Variants in CFAP46 observed in about 807,000 individuals in gnomAD.
CFAP46 encodes cilia and flagella associated protein 46, also known as cilia- and flagella-associated protein 46.
Under a neutral mutation model 325.7 loss-of-function variants are expected in CFAP46, and 245 were observed. The observed-to-expected ratio is 0.75, with a 90% CI of 0.68 to 0.84. The LOEUF is 0.84. Among genes scored for constraint, CFAP46 ranks in the 40% least tolerant of loss-of-function variants. The pLI, the probability that CFAP46 is intolerant of heterozygous loss-of-function variation, is 0.00. For synonymous variants in CFAP46, 1,523 were observed against 1,495.9 expected (o/e 1.02, Z -0.42); for missense variants, 3,346 against 3,543.0 (o/e 0.94, Z 1.41).
At chr10:132,917,207 C>A (rs1849653784) in intron 16 of CFAP46, among the ~76,000 whole-genome samples, 1 of 152,262 alleles carries the variant, frequency 6.6e-6, no homozygotes, top group South Asian at 2.1e-4. Context: ...ACCTGGGAGC[C>A]ACTCAGCAGA....
Position 132,868,156 on chromosome 10 carries a change from G to A in CFAP46, c.4611-649C>T, listed in dbSNP as rs1396544655. ...CACGCCCCTCTGCCCAGGCCTCCCC[G>A]GCCACGCGCGTTCCAAGTCGAGGTG... On this transcript the variant is annotated intron_variant, in intron 33 of 57. Coordinates refer to ENST00000368586, the MANE Select transcript of CFAP46 (RefSeq NM_001200049.3). Among the ~76,000 whole-genome samples, 3 of 152,112 alleles carry A rather than the reference G, an allele frequency of 2.0e-5. No individual in the cohort carries two copies. In the South Asian group the frequency reaches 6.2e-4, roughly 31 times the overall value.
At chr10:132,821,990 CGCTTGTGTGTGCTGTGTGT>C (rs1847853224) in intron 50 of CFAP46, among the ~76,000 whole-genome samples, 2 of 96,376 alleles carry the variant, frequency 2.1e-5, no homozygotes, top group South Asian at 3.6e-4. Context: ...GCTGTGTGTG[CGCTTGTGTGTGCTGTGTGT>C]GCTGATGTGT....
chr10:132,867,323 CA>C, intron 34 of CFAP46, 51 bp downstream of exon 34: 1 of 1,527,810 alleles, frequency 6.5e-7, no homozygotes, highest in Non-Finnish European at 8.8e-7. Context: ...GGCCACGAGG[CA>C]CCGGCGCCCG....
chr10:132,873,707 A>AG (rs757097034), intron 31 of CFAP46, among the ~76,000 whole-genome samples: 14 of 152,246 alleles, frequency 9.2e-5, no homozygotes, highest in Non-Finnish European at 1.6e-4. Flanking sequence ...AACCAGGCAG[A>AG]GGGGCCGTGC....
intron 27 of CFAP46, among the ~76,000 whole-genome samples, chr10:132,882,723 T>C (rs1321093159): frequency 6.6e-6 from 1 of 151,704 alleles, no homozygotes; most frequent in East Asian, 1.9e-4. Flanking sequence ...TCCTCTGTCA[T>C]GAAGAGGTGG....
chr10:132,915,787 A>G (rs117126254), intron 17 of CFAP46, among the ~76,000 whole-genome samples: 6,534 of 152,318 alleles, frequency 0.043, 204 homozygotes, highest in Middle Eastern at 0.065. Flanking sequence ...TGGAAGGGGG[A>G]CATCGAACAT....
intron 22 of CFAP46, among the ~76,000 whole-genome samples, chr10:132,905,195 TATCAGTG>T (rs1849439759): frequency 6.6e-6 from 1 of 152,238 alleles, no homozygotes; most frequent in Non-Finnish European, 1.5e-5. Flanking sequence ...AAAAGTGGAA[TATCAGTG>T]AACACCATGT....
intron 50 of CFAP46, among the ~76,000 whole-genome samples, chr10:132,829,488 C>A (rs544654513): frequency 2.0e-5 from 3 of 152,318 alleles, no homozygotes; most frequent in Admixed American, 2.0e-4. Context: ...GATGATGAGA[C>A]CACCTGCAGA....
At chr10:132,811,110 G>T in intron 55 of CFAP46, 79 bp from the exon 56 acceptor site, 1 of 1,247,478 alleles carries the variant, frequency 8.0e-7, no homozygotes, top group Non-Finnish European at 1.1e-6. Context: ...GGTGGGGCCT[G>T]TGCCCCAAGG....
Position 132,899,668 on chromosome 10 carries a change from T to A in CFAP46, c.2925-2A>T. On this transcript the variant is annotated splice_acceptor_variant, in intron 22 of 57. Transcript: ENST00000368586. LOFTEE classifies it high-confidence loss of function. ...TCTGCCACCAGCCGGGACTCCTCGC[T>A]GCAGGAACAGGGCCAGTGAGGAGGG... The A allele has an allele frequency of 6.5e-7, 1 of 1,548,196 alleles. No individual in the cohort carries two copies. Among genetic ancestry groups the A allele is most frequent in the Non-Finnish European group, 8.7e-7 (1 of 1,145,812 alleles).
At chr10:132,861,029 TGCAGGCAGGGAGACAGGA>T in intron 35 of CFAP46, 47 bp from the exon 36 acceptor site, 3 of 1,527,168 alleles carry the variant, frequency 2.0e-6, no homozygotes, top group Non-Finnish European at 2.7e-6. Flanking sequence ...TACAGATGTG[TGCAGGCAGGGAGACAGGA>T]GCAGGCAGAG....
intron 8 of CFAP46, among the ~76,000 whole-genome samples, chr10:132,933,405 C>G (rs1437619110): frequency 6.6e-6 from 1 of 152,262 alleles, no homozygotes; most frequent in Non-Finnish European, 1.5e-5. Flanking sequence ...GTCCCAAGAC[C>G]TCTCGTCGGA....
In CFAP46 at chr10:132,832,753, TC is replaced by T. The variant is rs1282663272; in HGVS notation, c.7117+604del. On this transcript the variant is annotated intron_variant, in intron 50 of 57. Coordinates refer to ENST00000368586, the MANE Select transcript of CFAP46 (RefSeq NM_001200049.3). The surrounding 1 kb of genome is among the most constrained non-coding windows in gnomAD (Gnocchi z 4.1). ...GTCACAGAATGTCATCACCCCCGAA[TC>T]CCAGCCGAGGTCAGGGCCTTCCGCG... The T allele has an allele frequency of 3.0e-5, 14 of 471,196 alleles. No homozygotes were observed. The highest frequency in any genetic ancestry group is 5.7e-5 in the Non-Finnish European group (13 of 227,088). The allele number at this position is 471,196 out of a possible 1,614,324, so 29.2% of individuals were successfully genotyped here. A position where few individuals can be genotyped will look rare whatever the true frequency, so the allele number is the denominator to read the frequency against.
intron 5 of CFAP46, 68 bp downstream of exon 5, chr10:132,938,521 G>T: frequency 2.0e-6 from 3 of 1,479,220 alleles, no homozygotes; most frequent in Non-Finnish European, 2.8e-6. Flanking sequence ...CCGGAGAAGG[G>T]GTGGTGGCCT....
At chr10:132,905,223 A>G (rs1339536714) in intron 22 of CFAP46, among the ~76,000 whole-genome samples, 1 of 152,180 alleles carries the variant, frequency 6.6e-6, no homozygotes, top group Non-Finnish European at 1.5e-5. Flanking sequence ...TTCTCATTGG[A>G]GAGTCCGGCT....
At position 132,924,885 on chromosome 10, in the gene CFAP46, G is replaced by T; in HGVS notation, c.1067C>A (p.Ala356Asp). 7.3e-7 allele frequency: 1 copy of T among 1,378,558 alleles called. No individual in the cohort carries two copies. Among genetic ancestry groups the T allele is most frequent in the Non-Finnish European group, 9.4e-7 (1 of 1,059,168 alleles). 85.4% of individuals were successfully genotyped at this position (1,378,558 alleles called of 1,614,324 possible). A position where few individuals can be genotyped will look rare whatever the true frequency, so the allele number is the denominator to read the frequency against. The change falls in exon 11 of 58, where the codon GCC (alanine) becomes GAC (aspartate). Residue 356 changes from alanine (A) to aspartate (D), a missense_variant and splice_region_variant. Physicochemically the swap from Ala to Asp is moderately radical, Grantham distance 126. Coordinates refer to ENST00000368586, the MANE Select transcript of CFAP46 (RefSeq NM_001200049.3). ...TAGCCTCTGTATGATATCCAGCTGG[G>T]CCTGCGGAGAAGACGTGGGGGATTC... ...MKVYNRAAVEAQLDIIQRLDV... is the reference protein window; with the variant it reads ...MKVYNRAAVEDQLDIIQRLDV...
intron 4 of CFAP46, among the ~76,000 whole-genome samples, chr10:132,940,522 G>A (rs955051345): frequency 4.6e-5 from 7 of 152,220 alleles, no homozygotes; most frequent in Admixed American, 1.3e-4. Context: ...AGAAGGAACC[G>A]TGGGGAAGGA....
At chr10:132,851,794 G>A (rs927663653) in intron 39 of CFAP46, among the ~76,000 whole-genome samples, 1 of 152,260 alleles carries the variant, frequency 6.6e-6, no homozygotes, top group Non-Finnish European at 1.5e-5. Context: ...TACCAATAAA[G>A]CTGCTGCCAA....
At position 132,916,722 on chromosome 10, in the gene CFAP46, G is replaced by C. The variant is rs1289141819; in HGVS notation, c.1987-40C>G. 8 of 1,417,130 alleles carry C rather than the reference G, an allele frequency of 5.6e-6. No individual in the cohort carries two copies. The East Asian group carries it at 2.3e-4, about 41-fold the overall frequency. The allele number at this position is 1,417,130 out of a possible 1,614,324, so 87.8% of individuals were successfully genotyped here. On this transcript the variant is annotated intron_variant, in intron 16 of 57. Transcript: ENST00000368586. ...TGCGGTGGGAGGGGTCATGGGCGGA[G>C]CACGGGCCCAGCACCAGATAGGAAA...
Sources: gnomAD v4.1 joint callset for allele counts (sites outside exome capture counted in the v4.1 genomes callset) on GRCh38, gnomAD v4.1.1 for gene constraint, Gnocchi (gnomAD v3.1) non-coding constraint, MANE v1.5 for transcripts, NCBI Gene and HGNC (gene_info 2026-07-23, HGNC 2026-07-21) for gene names.